The following TENM1 variants were observed in gnomAD, a reference collection of about 807,000 sequenced individuals.
TENM1 encodes the protein teneurin transmembrane protein 1, also known as teneurin-1.
TENM1 carries 35 observed loss-of-function variants against 174.8 expected under a neutral mutation model. That is an observed-to-expected ratio of 0.20 (90% CI 0.15 to 0.27). The LOEUF (loss-of-function observed/expected upper bound fraction) is 0.27, where lower values mean the gene tolerates loss of function less well. TENM1 is among the 10% of genes least tolerant of loss of function. TENM1 has a pLI of 1.00. For synonymous variants in TENM1, 781 were observed against 798.7 expected, an observed-to-expected ratio of 0.98 and a Z score of 0.37; for missense variants, 1,633 against 2,130.1, an observed-to-expected ratio of 0.77 and a Z score of 4.59.
chrX:124,862,394 C>T (rs918430351), intron 3 of TENM1, among the ~76,000 whole-genome samples: 2 of 111,706 alleles, frequency 1.8e-5, no homozygotes, highest in Non-Finnish European at 3.8e-5. Flanking sequence ...ATTACCAATA[C>T]CCCCCTCCCC....
intron 11 of TENM1, among the ~76,000 whole-genome samples, chrX:124,593,654 C>T (rs760569645): frequency 1.8e-5 from 2 of 111,650 alleles, no homozygotes; most frequent in South Asian, 3.8e-4. Context: ...TTCTAAGTAC[C>T]TGAATTTCTG....
chrX:124,644,208 T>C (rs1286309531), intron 10 of TENM1, among the ~76,000 whole-genome samples: 3 of 101,922 alleles, frequency 2.9e-5, no homozygotes, highest in African/African-American at 1.1e-4. Flanking sequence ...AATTTACATA[T>C]ACATATATAT....
At chrX:124,733,647 T>C (rs771991415) in intron 4 of TENM1, among the ~76,000 whole-genome samples, 5 of 112,264 alleles carry the variant, frequency 4.5e-5, no homozygotes, top group South Asian at 3.7e-4. Flanking sequence ...TGCTAGTTGA[T>C]AGAGCTAATA....
chrX:124,471,272 CTA>C (rs1350845671), intron 22 of TENM1, among the ~76,000 whole-genome samples: 1 of 50,688 alleles, frequency 2.0e-5, no homozygotes, highest in Non-Finnish European at 3.1e-5. Flanking sequence ...ATATATAGTA[CTA>C]TATATAATAT....
At chrX:124,552,568 T>C (rs1294742460) in intron 14 of TENM1, among the ~76,000 whole-genome samples, 3 of 112,016 alleles carry the variant, frequency 2.7e-5, no homozygotes, top group Non-Finnish European at 5.6e-5. Flanking sequence ...GTTGTTTGTA[T>C]GCCACTAATG....
chrX:125,137,786 G>A, the TENM1 span, among the ~76,000 whole-genome samples: 3 of 110,624 alleles, frequency 2.7e-5, no homozygotes, highest in Non-Finnish European at 5.7e-5. Flanking sequence ...GTCAGGGGGT[G>A]CTTCTCCATT....
chrX:124,472,211 G>A (rs1487181849), intron 22 of TENM1, among the ~76,000 whole-genome samples: 1 of 106,952 alleles, frequency 9.3e-6, no homozygotes, highest in Non-Finnish European at 1.9e-5. Flanking sequence ...CTGCCGCAAG[G>A]GGCTCAGAGT....
At chrX:124,801,796 C>T (rs1231511196) in intron 3 of TENM1, among the ~76,000 whole-genome samples, 3 of 111,562 alleles carry the variant, frequency 2.7e-5, no homozygotes, top group African/African-American at 6.5e-5. Flanking sequence ...GACAAAATCC[C>T]TCAGTATTTG....
At chrX:124,838,844 C>A (rs1021608416) in intron 3 of TENM1, among the ~76,000 whole-genome samples, 2 of 110,845 alleles carry the variant, frequency 1.8e-5, no homozygotes, top group Non-Finnish European at 3.8e-5. Flanking sequence ...TGCATATATA[C>A]ACACACATAT....
the TENM1 span, among the ~76,000 whole-genome samples, chrX:125,056,146 T>C: frequency 7.2e-5 from 8 of 111,187 alleles, no homozygotes; most frequent in Non-Finnish European, 1.5e-4. Flanking sequence ...TTACCAAAAC[T>C]TGGCAAGATT....
At chrX:124,694,310 C>T (rs2052599858) in intron 5 of TENM1, among the ~76,000 whole-genome samples, 2 of 111,767 alleles carry the variant, frequency 1.8e-5, no homozygotes, top group Admixed American at 9.5e-5. Context: ...TAGCTGGGCC[C>T]TAGCTCTCAT....
rs190675887 is a variant in TENM1, at chrX:124,953,710, A to G, written c.217+9827T>C. On this transcript the variant is annotated intron_variant, in intron 1 of 31. Transcript: ENST00000422452. ...TTTGTTTCCCAGGGGACAATCATCT[A>G]TGTGACACTTAGCCAGGGAGTCAGT... is the stretch of plus-strand genomic sequence containing the variant. Among the ~76,000 whole-genome samples, 3 of 111,919 alleles carry G rather than the reference A, an allele frequency of 2.7e-5. No homozygotes were observed. The East Asian group carries it at 8.4e-4, about 31-fold the overall frequency.
intron 4 of TENM1, among the ~76,000 whole-genome samples, chrX:124,707,604 G>C (rs778687005): frequency 7.2e-5 from 8 of 111,479 alleles, no homozygotes; most frequent in Non-Finnish European, 1.5e-4. Flanking sequence ...CAACCCACCA[G>C]CACCATGACA....
At chrX:124,789,548 C>A (rs1329405570) in intron 3 of TENM1, among the ~76,000 whole-genome samples, 1 of 111,555 alleles carries the variant, frequency 9.0e-6, no homozygotes, top group Non-Finnish European at 1.9e-5. Context: ...GAAATTTCAT[C>A]CACCAGATAC....
the TENM1 span, among the ~76,000 whole-genome samples, chrX:125,018,934 T>C: frequency 8.9e-6 from 1 of 111,837 alleles, no homozygotes; most frequent in South Asian, 3.7e-4. Context: ...CTTTGACAAA[T>C]GAAAGGTAAG....
chrX:125,058,607 C>T, the TENM1 span, among the ~76,000 whole-genome samples: 6 of 110,767 alleles, frequency 5.4e-5, no homozygotes, highest in Non-Finnish European at 1.1e-4. Flanking sequence ...GCCTAATACT[C>T]GGACTACTAG....
intron 3 of TENM1, among the ~76,000 whole-genome samples, chrX:124,832,135 C>A (rs942199496): frequency 1.8e-5 from 2 of 111,698 alleles, no homozygotes; most frequent in African/African-American, 6.5e-5. Flanking sequence ...TCCTCCCCCT[C>A]TTTTAATGCA....
At chrX:124,578,361 C>T (rs1187732977) in intron 11 of TENM1, among the ~76,000 whole-genome samples, 2 of 111,811 alleles carry the variant, frequency 1.8e-5, no homozygotes, top group African/African-American at 6.5e-5. Flanking sequence ...CTGTTTTCAA[C>T]ACTTCTTCAA....
chrX:124,704,703 C>G (rs1381779284), intron 5 of TENM1, among the ~76,000 whole-genome samples: 1 of 111,050 alleles, frequency 9.0e-6, no homozygotes, highest in Non-Finnish European at 1.9e-5. Context: ...TAGATTGGTA[C>G]TTATGACTTC....
Sources: allele counts gnomAD v4.1 joint callset (sites outside exome capture counted in the v4.1 genomes callset), GRCh38; gene constraint gnomAD v4.1.1; transcripts MANE v1.5; gene names NCBI Gene and HGNC (gene_info 2026-07-23, HGNC 2026-07-21).